SLC2A13: variants seen among roughly 807,000 people sequenced by gnomAD.
The protein encoded by SLC2A13 is solute carrier family 2 member 13.
Under a neutral mutation model 64.4 loss-of-function variants are expected in SLC2A13, and 32 were observed. The observed-to-expected ratio is 0.50, with a 90% CI of 0.37 to 0.67. The LOEUF (loss-of-function observed/expected upper bound fraction) is 0.67. Ranked by LOEUF, SLC2A13 falls within the 30% of genes least tolerant of loss-of-function variation. SLC2A13 has a pLI of 0.00. For missense variants in SLC2A13, 743 were observed against 829.2 expected, an observed-to-expected ratio of 0.90 and a Z score of 1.28; for synonymous variants, 338 against 327.1, an observed-to-expected ratio of 1.03 and a Z score of -0.36.
chr12:40,044,415 G>C (rs929259258), intron 2 of SLC2A13, among the ~76,000 whole-genome samples: 1 of 152,134 alleles, frequency 6.6e-6, no homozygotes, highest in Non-Finnish European at 1.5e-5. Context: ...ATAGCTCTGT[G>C]AATACACTAA....
At chr12:40,025,879 C>T (rs1220578388) in intron 3 of SLC2A13, among the ~76,000 whole-genome samples, 1 of 152,224 alleles carries the variant, frequency 6.6e-6, no homozygotes, top group East Asian at 1.9e-4. Context: ...TCCATCTAGC[C>T]TATCGTTCTT....
At chr12:39,968,253 T>TGGGGTGGTGC (rs1946560777) in intron 3 of SLC2A13, among the ~76,000 whole-genome samples, 1 of 152,000 alleles carries the variant, frequency 6.6e-6, no homozygotes, top group Non-Finnish European at 1.5e-5. Flanking sequence ...AAGGGTGGTG[T>TGGGGTGGTGC]GGGGTGGTGC....
At chr12:39,898,278 T>C (rs1944980573) in intron 4 of SLC2A13, among the ~76,000 whole-genome samples, 1 of 152,134 alleles carries the variant, frequency 6.6e-6, no homozygotes, top group Non-Finnish European at 1.5e-5. Context: ...GAAGAAACTC[T>C]TTCGAAAATA....
chr12:40,100,969 CAAAAAAAAA>C (rs10633826), intron 1 of SLC2A13, among the ~76,000 whole-genome samples: 5 of 84,704 alleles, frequency 5.9e-5, no homozygotes, highest in African/African-American at 2.4e-4. Flanking sequence ...CCATCTCAGA[CAAAAAAAAA>C]AAAAAAAAAA....
intron 4 of SLC2A13, among the ~76,000 whole-genome samples, chr12:39,946,021 G>A (rs747728768): frequency 7.2e-5 from 11 of 152,248 alleles, no homozygotes; most frequent in African/African-American, 1.4e-4. Context: ...GAAGGCTGTC[G>A]TTCAGATTCT....
At chr12:39,771,862 T>C (rs1940591003) in intron 7 of SLC2A13, among the ~76,000 whole-genome samples, 1 of 152,110 alleles carries the variant, frequency 6.6e-6, no homozygotes, top group Admixed American at 6.5e-5. Context: ...ACAATCCTTT[T>C]ATGCAACTAA....
chr12:40,072,532 G>T (rs1357240845), intron 1 of SLC2A13, among the ~76,000 whole-genome samples: 1 of 151,998 alleles, frequency 6.6e-6, no homozygotes, highest in Non-Finnish European at 1.5e-5. Flanking sequence ...TTTCCTCACA[G>T]TTCTACCAGT....
Position 40,105,570 on chromosome 12 carries a change from A to G in SLC2A13, c.239T>C (p.Phe80Ser). Residue 80 changes from phenylalanine to serine, a missense_variant, in exon 1 of 10, where the codon TTC becomes TCC. Around this residue, in one of 2 missense-constraint regions of SLC2A13, gnomAD observed 448 missense variants for 447.4 expected, o/e 1.00. Coordinates refer to ENST00000280871, the MANE Select transcript of SLC2A13 (RefSeq NM_052885.4). The surrounding 1 kb of genome is among the most constrained non-coding windows in gnomAD (Gnocchi z 4.2). ...GGAGAAGACGGCCACCACGTACACGAAGGCGGGGGTCTCGTCCTGCTGGAA... is the reference window on the plus strand; with the variant it reads ...GGAGAAGACGGCCACCACGTACACGGAGGCGGGGGTCTCGTCCTGCTGGAA... ...RQFQQDETPA[F>S]VYVVAVFSAL... 6.4e-7 allele frequency: 1 copy of G among 1,571,360 alleles called. No individual in the cohort carries two copies. The highest frequency in any genetic ancestry group is 1.2e-5 in the South Asian group (1 of 85,872).
chr12:39,934,405 C>T (rs1476561658), intron 4 of SLC2A13, among the ~76,000 whole-genome samples: 1 of 152,128 alleles, frequency 6.6e-6, no homozygotes, highest in African/African-American at 2.4e-5. Context: ...ATAGATGAGG[C>T]CAGGTTATGT....
intron 5 of SLC2A13, among the ~76,000 whole-genome samples, chr12:39,868,977 A>G (rs1158180192): frequency 1.3e-5 from 2 of 152,202 alleles, no homozygotes; most frequent in South Asian, 2.1e-4. Flanking sequence ...CACTATTTTT[A>G]GTCCAATATA....
chr12:40,032,966 G>A (rs1213573275), intron 2 of SLC2A13, among the ~76,000 whole-genome samples: 1 of 152,172 alleles, frequency 6.6e-6, no homozygotes, highest in South Asian at 2.1e-4. Context: ...GCATAGACAT[G>A]TAATTGTTTA....
In SLC2A13 at chr12:40,030,550, C is replaced by G. The variant is rs28370794; in HGVS notation, c.717-2041G>C. On this transcript the variant is annotated intron_variant, in intron 2 of 9. Coordinates refer to ENST00000280871, the MANE Select transcript of SLC2A13 (RefSeq NM_052885.4). ...TTTATCTACACTTCTCATGATCTTT[C>G]CAAAGAAAGATCATGAATTAAGATA... Among the ~76,000 whole-genome samples the G allele has an allele frequency of 6.7e-3, 1,012 of 152,050 alleles. 9 individuals are homozygous for G. Among genetic ancestry groups the G allele is most frequent in the African/African-American group, 0.024 (976 of 41,460 alleles).
intron 7 of SLC2A13, among the ~76,000 whole-genome samples, chr12:39,796,580 A>G (rs1941583228): frequency 6.6e-6 from 1 of 152,002 alleles, no homozygotes; most frequent in Non-Finnish European, 1.5e-5. Context: ...TCCTAGTGAT[A>G]GTGAGCTGGC....
chr12:39,784,164 G>C (rs1051876903), intron 7 of SLC2A13, among the ~76,000 whole-genome samples: 1 of 152,176 alleles, frequency 6.6e-6, no homozygotes, highest in Non-Finnish European at 1.5e-5. Context: ...GTAATTTATA[G>C]ATTCAATGCC....
At chr12:39,899,074 A>C (rs889459354) in intron 4 of SLC2A13, among the ~76,000 whole-genome samples, 4 of 151,886 alleles carry the variant, frequency 2.6e-5, no homozygotes, top group Non-Finnish European at 5.9e-5. Flanking sequence ...TCCTCCTTGT[A>C]CCTCTGGTAG....
intron 9 of SLC2A13, among the ~76,000 whole-genome samples, chr12:39,761,158 G>C (rs1940129785): frequency 1.3e-5 from 2 of 151,952 alleles, no homozygotes; most frequent in South Asian, 4.2e-4. Context: ...TATCAGACTG[G>C]GAGTGGGAAG....
intron 4 of SLC2A13, among the ~76,000 whole-genome samples, chr12:39,906,915 AGGAAGCAAAATATAT>A (rs1945299836): frequency 6.6e-6 from 1 of 152,186 alleles, no homozygotes; most frequent in Non-Finnish European, 1.5e-5. Context: ...AAGGTCCATT[AGGAAGCAAAATATAT>A]TTTTATTTGA....
At chr12:39,812,426 C>T (rs997506342) in intron 7 of SLC2A13, among the ~76,000 whole-genome samples, 3 of 131,910 alleles carry the variant, frequency 2.3e-5, no homozygotes, top group African/African-American at 5.8e-5. Context: ...TCCTTCCTGC[C>T]TTCCTTCCTT....
intron 4 of SLC2A13, among the ~76,000 whole-genome samples, chr12:39,876,742 C>A (rs1249090343): frequency 1.3e-5 from 2 of 151,992 alleles, no homozygotes; most frequent in Non-Finnish European, 2.9e-5. Flanking sequence ...ATAATACAGA[C>A]AATTTTTTTC....
Sources: gnomAD v4.1 joint callset for allele counts (sites outside exome capture counted in the v4.1 genomes callset) on GRCh38, gnomAD v4.1.1 for gene constraint, gnomAD v4.1.1 regional missense constraint, Gnocchi (gnomAD v3.1) non-coding constraint, MANE v1.5 for transcripts, NCBI Gene and HGNC (gene_info 2026-07-23, HGNC 2026-07-21) for gene names.